PTAR1: variants seen among roughly 807,000 people sequenced by gnomAD.
The protein encoded by PTAR1 is protein prenyltransferase alpha subunit repeat-containing protein 1.
PTAR1 carries 17 observed loss-of-function variants against 45.5 expected under a neutral mutation model. That is an observed-to-expected ratio of 0.37 (90% CI 0.26 to 0.56). The LOEUF (loss-of-function observed/expected upper bound fraction) is 0.56, where lower values mean the gene tolerates loss of function less well. Among genes scored for constraint, PTAR1 ranks in the 20% least tolerant of loss-of-function variants. The pLI, the probability that PTAR1 is intolerant of heterozygous loss-of-function variation, is 0.77. For missense variants in PTAR1, 391 were observed against 476.3 expected, an observed-to-expected ratio of 0.82 and a Z score of 1.67; for synonymous variants, 169 against 171.3, an observed-to-expected ratio of 0.99 and a Z score of 0.11.
Position 69,743,155 on chromosome 9 carries a change from A to C in PTAR1, c.257-1297T>G, listed in dbSNP as rs1041952470. Reference sequence around the variant, plus strand: ...GCACTTTATTTTATATTATTTCACTAAATTCTCATAATCACAATCCAAAAT... The same window carrying C: ...GCACTTTATTTTATATTATTTCACTCAATTCTCATAATCACAATCCAAAAT... On this transcript the variant is annotated intron_variant, in intron 2 of 7. Coordinates refer to ENST00000340434, the MANE Select transcript of PTAR1 (RefSeq NM_001099666.2). Among the ~76,000 whole-genome samples, 3 of 152,144 alleles carry C rather than the reference A, an allele frequency of 2.0e-5. 1 individual carries two copies. In the East Asian group the frequency reaches 5.8e-4, roughly 29 times the overall value.
intron 5 of PTAR1, among the ~76,000 whole-genome samples, chr9:69,730,552 C>T (rs1825486812): frequency 6.7e-6 from 1 of 149,908 alleles, no homozygotes; most frequent in South Asian, 2.2e-4. Flanking sequence ...CCCTGACAAC[C>T]CACCAAACAA....
chr9:69,719,664 A>G (rs1049125229), intron 6 of PTAR1, among the ~76,000 whole-genome samples: 6 of 152,122 alleles, frequency 3.9e-5, no homozygotes, highest in African/African-American at 1.4e-4. Context: ...GCTTTGCTCT[A>G]ATGTGCTTTG....
In PTAR1 at chr9:69,723,408, G is replaced by C. The variant is rs368902065; in HGVS notation, c.865C>G (p.Pro289Ala). 6 of 1,613,684 alleles carry C rather than the reference G, an allele frequency of 3.7e-6. No homozygotes were observed. The highest frequency in any genetic ancestry group is 3.3e-5 in the Admixed American group (2 of 59,990). The change falls in exon 6 of 8, where the codon CCC becomes GCC. Residue 289 changes from proline (P) to alanine (A), a missense_variant. Coordinates refer to ENST00000340434, the MANE Select transcript of PTAR1 (RefSeq NM_001099666.2). ...TCAACTTCTTCTTCTAGAAGATGGG[G>C]AAGATTAATCCTTGGTTCTTCTGTT... Reference protein sequence around the residue: ...VSTEEPRINLPHLLEEEVEFS... With the variant: ...VSTEEPRINLAHLLEEEVEFS...
At chr9:69,730,748 T>G (rs62571891) in intron 5 of PTAR1, among the ~76,000 whole-genome samples, 24,619 of 151,694 alleles carry the variant, frequency 0.16, 2,515 homozygotes, top group Middle Eastern at 0.25. Context: ...TTACTGCGTA[T>G]ACAGGACAGT....
At chr9:69,730,760 G>A (rs145881384) in intron 5 of PTAR1, among the ~76,000 whole-genome samples, 5 of 151,684 alleles carry the variant, frequency 3.3e-5, no homozygotes, top group South Asian at 2.1e-4. Context: ...CAGGACAGTC[G>A]GTGGGTATGA....
intron 2 of PTAR1, among the ~76,000 whole-genome samples, chr9:69,746,064 T>A (rs1826261267): frequency 6.6e-6 from 1 of 152,194 alleles, no homozygotes; most frequent in East Asian, 1.9e-4. Context: ...GGCCCTTCTC[T>A]TCTCCTCTTT....
chr9:69,753,528 A>G (rs899436533), intron 1 of PTAR1, among the ~76,000 whole-genome samples: 5 of 152,180 alleles, frequency 3.3e-5, no homozygotes, highest in African/African-American at 4.8e-5. Flanking sequence ...ATATACATAC[A>G]TATCAGTATC....
intron 2 of PTAR1, among the ~76,000 whole-genome samples, chr9:69,748,403 T>A (rs1414739409): frequency 6.7e-6 from 1 of 148,158 alleles, no homozygotes; most frequent in Non-Finnish European, 1.5e-5. Context: ...ATCACAGACT[T>A]AAAAAAAAAA....
Position 69,747,031 on chromosome 9 carries a change from T to C in PTAR1, c.256+3750A>G, listed in dbSNP as rs1360083121. Among the ~76,000 whole-genome samples, 3 of 152,340 alleles carry C rather than the reference T, an allele frequency of 2.0e-5. No homozygotes were observed. In the East Asian group the frequency reaches 5.8e-4, roughly 29 times the overall value. ...TATGGTAAACACCAGAGAGGCCTTG[T>C]TTATTATAGTACACAGTCACAGAAT... On this transcript the variant is annotated intron_variant, in intron 2 of 7. Coordinates refer to ENST00000340434, the MANE Select transcript of PTAR1 (RefSeq NM_001099666.2).
At chr9:69,740,799 G>A (rs1289500538) in intron 3 of PTAR1, among the ~76,000 whole-genome samples, 1 of 151,942 alleles carries the variant, frequency 6.6e-6, no homozygotes, top group Non-Finnish European at 1.5e-5. Flanking sequence ...AATATAATGT[G>A]AGTCACAAAT....
chr9:69,741,584 T>C (rs1467024185), intron 3 of PTAR1: 4 of 543,580 alleles, frequency 7.4e-6, no homozygotes, highest in African/African-American at 1.9e-5. Context: ...AACATGACAA[T>C]TTATATTTCA....
Position 69,714,193 on chromosome 9 carries a change from G to GT in PTAR1, c.*4148dup, listed in dbSNP as rs1188987512. 2.6e-5 allele frequency: 4 copies of GT among 152,200 alleles called. No individual in the cohort carries two copies. The South Asian group carries it at 6.2e-4, about 24-fold the overall frequency. 9.4% of individuals were successfully genotyped at this position (152,200 alleles called of 1,614,324 possible). On this transcript the variant is annotated 3_prime_UTR_variant, in exon 8 of 8. Coordinates refer to ENST00000340434, the MANE Select transcript of PTAR1 (RefSeq NM_001099666.2). ...CACATAAAGTGCTAGGGTTTGCACA[G>GT]TTCTATTTGAGAAATTTATTCAAGA...
rs1388158755 is a variant in PTAR1, at chr9:69,717,440, T to C, written c.*902A>G. The stretch of plus-strand genomic sequence containing the variant: ...AAAAATAATCTATCAAAACTAGCAA[T>C]AAAAATAATTTTCCTTTACTGCAAT... On this transcript the variant is annotated 3_prime_UTR_variant, in exon 8 of 8. Coordinates refer to ENST00000340434, the MANE Select transcript of PTAR1 (RefSeq NM_001099666.2). 1.3e-5 allele frequency: 2 copies of C among 152,102 alleles called. No individual in the cohort carries two copies. The highest frequency in any genetic ancestry group is 4.8e-5 in the African/African-American group (2 of 41,384). 9.4% of individuals were successfully genotyped at this position (152,102 alleles called of 1,614,324 possible).
chr9:69,719,225 C>G (rs1286045222), intron 6 of PTAR1, among the ~76,000 whole-genome samples: 1 of 152,110 alleles, frequency 6.6e-6, no homozygotes, highest in Non-Finnish European at 1.5e-5. Context: ...AATCCATCAC[C>G]AACTACAGTT....
chr9:69,741,571 C>A, intron 3 of PTAR1: 1 of 532,756 alleles, frequency 1.9e-6, no homozygotes, highest in Non-Finnish European at 3.4e-6. Context: ...TATACTGTAA[C>A]TCAACATGAC....
intron 3 of PTAR1, among the ~76,000 whole-genome samples, chr9:69,738,199 G>T (rs1825878401): frequency 6.6e-6 from 1 of 152,126 alleles, no homozygotes; most frequent in African/African-American, 2.4e-5. Flanking sequence ...TCATTAAACT[G>T]GAGTTACAGA....
chr9:69,731,490 C>T (rs1317592818), intron 5 of PTAR1, among the ~76,000 whole-genome samples: 1 of 152,166 alleles, frequency 6.6e-6, no homozygotes, highest in Non-Finnish European at 1.5e-5. Flanking sequence ...GTAGCTAAGT[C>T]TAAGCCATTA....
At chr9:69,750,677 G>T in intron 2 of PTAR1, 104 bp downstream of exon 2, 1 of 809,272 alleles carries the variant, frequency 1.2e-6, no homozygotes, top group Non-Finnish European at 1.9e-6. Context: ...AACAGAAGAA[G>T]CAGAACTAGA....
rs776629685 is a variant in PTAR1, at chr9:69,718,534, A to G, written c.1017T>C (p.Asp339=). The G allele has an allele frequency of 6.2e-7, 1 of 1,613,730 alleles. No individual in the cohort carries two copies. The highest frequency in any genetic ancestry group is 8.5e-7 in the Non-Finnish European group (1 of 1,179,694). Reference sequence around the variant, plus strand: ...CTTGCTTGCTAGAGTCATTCAGTCCATCTACTTCCATTGCTTGAGACAGCT... The same window carrying G: ...CTTGCTTGCTAGAGTCATTCAGTCCGTCTACTTCCATTGCTTGAGACAGCT... The part of the protein sequence containing the change: ...GSQLSQAMEV[D]GLNDSSKQGY... The change falls in exon 8 of 8, where the codon GAT becomes GAC. Residue 339 remains aspartate (D), a synonymous_variant. Transcript: ENST00000340434.
Sources: gnomAD v4.1 joint callset for allele counts (sites outside exome capture counted in the v4.1 genomes callset) on GRCh38, gnomAD v4.1.1 for gene constraint, MANE v1.5 for transcripts, NCBI Gene and HGNC (gene_info 2026-07-23, HGNC 2026-07-21) for gene names.